Variants in GRAMD1B observed in about 807,000 individuals in gnomAD.
The protein encoded by GRAMD1B is protein Aster-B.
A neutral mutation model predicts 99.7 loss-of-function variants in GRAMD1B; 37 were observed. That is an observed-to-expected ratio of 0.37 (90% CI 0.29 to 0.49). The LOEUF is 0.49. Among genes scored for constraint, GRAMD1B ranks in the 20% least tolerant of loss-of-function variants. The probability of loss-of-function intolerance (pLI) is 0.98; values close to 1 mark genes in which losing one functional copy is unlikely to be tolerated. For synonymous variants in GRAMD1B, 427 were observed against 387.6 expected (o/e 1.10, Z -1.19); for missense variants, 888 against 1,009.2 (o/e 0.88, Z 1.63).
rs749686386 is a variant in GRAMD1B, at chr11:123,619,179, A to C, written c.2499A>C (p.Gln833His). ...AAAAGTACCACGATACTGAGCTCCA[A>C]AAATGGAGGGAAATCATCAAATCCT... is the stretch of plus-strand genomic sequence containing the variant. ...SQQKYHDTEL[Q>H]KWREIIKSSV... The change falls in exon 19 of 20, where the codon CAA becomes CAC. Residue 833 changes from glutamine to histidine, a missense_variant. Physicochemically the swap from Gln to His is conservative, Grantham distance 24. This residue lies in a region of GRAMD1B where 232 missense variants were observed against 261.7 expected (regional missense o/e 0.89). Coordinates refer to ENST00000635736, the MANE Select transcript of GRAMD1B (RefSeq NM_001387025.1). The C allele has an allele frequency of 1.3e-6, 2 of 1,568,688 alleles. No individual in the cohort carries two copies. The highest frequency in any genetic ancestry group is 2.4e-5 in the East Asian group (1 of 42,266).
intron 2 of GRAMD1B, among the ~76,000 whole-genome samples, chr11:123,494,676 T>C (rs550830979): frequency 2.1e-4 from 32 of 152,310 alleles, no homozygotes; most frequent in Non-Finnish European, 3.4e-4. Flanking sequence ...AGCAAACTCC[T>C]CTTATCTTTG....
intron 2 of GRAMD1B, among the ~76,000 whole-genome samples, chr11:123,532,017 G>C (rs1165029765): frequency 1.3e-5 from 2 of 152,106 alleles, no homozygotes; most frequent in Admixed American, 6.5e-5. Flanking sequence ...GATTACAGGC[G>C]TGAGCCACCA....
chr11:123,525,668 G>T, intron 2 of GRAMD1B: 1 of 179,278 alleles, frequency 5.6e-6, no homozygotes, highest in Non-Finnish European at 1.2e-5. Context: ...CTGCCGCCTG[G>T]GGGAAGAGAG....
chr11:123,400,031 T>C (rs1166163989), intron 1 of GRAMD1B, among the ~76,000 whole-genome samples: 1 of 152,212 alleles, frequency 6.6e-6, no homozygotes, highest in Non-Finnish European at 1.5e-5. Flanking sequence ...CTAATGTCTT[T>C]GGTTCATTTT....
At chr11:123,527,772 G>T (rs1306538719) in intron 2 of GRAMD1B, among the ~76,000 whole-genome samples, 1 of 152,154 alleles carries the variant, frequency 6.6e-6, no homozygotes, top group Non-Finnish European at 1.5e-5. Context: ...CGCCCCTGCT[G>T]TCAGCACACC....
At chr11:123,477,485 C>T (rs1187004205) in intron 1 of GRAMD1B, among the ~76,000 whole-genome samples, 1 of 151,764 alleles carries the variant, frequency 6.6e-6, no homozygotes, top group Non-Finnish European at 1.5e-5. Context: ...AGTGTTAAGG[C>T]ATCTTTCAGT....
intron 2 of GRAMD1B, among the ~76,000 whole-genome samples, chr11:123,527,340 G>C (rs1345946461): frequency 6.6e-6 from 1 of 152,170 alleles, no homozygotes; most frequent in Non-Finnish European, 1.5e-5. Context: ...AGAATGTCTA[G>C]TCCAGCCCTC....
intron 1 of GRAMD1B, among the ~76,000 whole-genome samples, chr11:123,397,291 C>G (rs189177781): frequency 6.6e-6 from 1 of 152,034 alleles, no homozygotes; most frequent in Non-Finnish European, 1.5e-5. Context: ...ACCTGTAATC[C>G]CAGCTACTCG....
chr11:123,621,443 GC>G (rs903295784), intron 19 of GRAMD1B, among the ~76,000 whole-genome samples: 9 of 152,180 alleles, frequency 5.9e-5, no homozygotes, highest in Non-Finnish European at 7.3e-5. Flanking sequence ...TCTGCATGGT[GC>G]CCCTGGGTGC....
At chr11:123,403,496 G>T (rs184873273) in intron 1 of GRAMD1B, among the ~76,000 whole-genome samples, 1 of 147,252 alleles carries the variant, frequency 6.8e-6, no homozygotes, top group African/African-American at 2.5e-5. Context: ...TAATAATTTC[G>T]TCTCTTGTTG....
intron 8 of GRAMD1B, among the ~76,000 whole-genome samples, 153 bp from the exon 9 acceptor site, chr11:123,603,273 C>T (rs1952217530): frequency 1.3e-5 from 2 of 152,212 alleles, no homozygotes; most frequent in African/African-American, 2.4e-5. Context: ...CTGAGACCCC[C>T]AAGGCAGATG....
chr11:123,583,044 A>G (rs1949569333), intron 3 of GRAMD1B, among the ~76,000 whole-genome samples: 1 of 149,588 alleles, frequency 6.7e-6, no homozygotes, highest in African/African-American at 2.5e-5. Flanking sequence ...GTATGTGTGT[A>G]TATATGTGTG....
Position 123,510,857 on chromosome 11 carries a change from C to T in GRAMD1B, c.452+29964C>T, listed in dbSNP as rs532254592. Among the ~76,000 whole-genome samples the T allele has an allele frequency of 5.9e-5, 9 of 152,222 alleles. No homozygotes were observed. The East Asian group carries it at 1.8e-3, about 30-fold the overall frequency. ...AGGGAAATGTTGTGAGCACCAAGACCTCAGGAGAGGCGAGGAGGTGCCAGG... is the reference window on the plus strand; with the variant it reads ...AGGGAAATGTTGTGAGCACCAAGACTTCAGGAGAGGCGAGGAGGTGCCAGG... On this transcript the variant is annotated intron_variant, in intron 2 of 19. Coordinates refer to ENST00000635736, the MANE Select transcript of GRAMD1B (RefSeq NM_001387025.1). The surrounding 1 kb of genome is among the most constrained non-coding windows in gnomAD (Gnocchi z 4.3).
At chr11:123,421,460 C>T (rs138369569) in intron 1 of GRAMD1B, among the ~76,000 whole-genome samples, 72 of 152,268 alleles carry the variant, frequency 4.7e-4, no homozygotes, top group African/African-American at 1.5e-3. Context: ...ATGTTTGATT[C>T]ACATAAAACA....
chr11:123,568,988 G>A (rs1459804844), intron 2 of GRAMD1B, among the ~76,000 whole-genome samples: 1 of 152,158 alleles, frequency 6.6e-6, no homozygotes, highest in Non-Finnish European at 1.5e-5. Flanking sequence ...GTCCCATCCA[G>A]CATCCTGAAA....
intron 1 of GRAMD1B, among the ~76,000 whole-genome samples, chr11:123,397,565 A>T (rs1468145209): frequency 6.6e-6 from 1 of 152,176 alleles, no homozygotes; most frequent in Non-Finnish European, 1.5e-5. Flanking sequence ...GTGCAGAGGT[A>T]CAATCATGGC....
chr11:123,439,449 A>G (rs1250490296), intron 1 of GRAMD1B, among the ~76,000 whole-genome samples: 1 of 152,212 alleles, frequency 6.6e-6, no homozygotes, highest in African/African-American at 2.4e-5. Context: ...ATATTGTCAT[A>G]TAGCTCGAAA....
chr11:123,443,738 A>T (rs1382222171), intron 1 of GRAMD1B, among the ~76,000 whole-genome samples: 1 of 152,038 alleles, frequency 6.6e-6, no homozygotes, highest in Non-Finnish European at 1.5e-5. Context: ...GTGCGCCACC[A>T]CACCCAGCTA....
chr11:123,596,122 T>A, intron 7 of GRAMD1B, 85 bp downstream of exon 7: 1 of 747,920 alleles, frequency 1.3e-6, no homozygotes, highest in Non-Finnish European at 2.3e-6. Context: ...ATCGCATGAA[T>A]GTGGAAGCCA....
Sources: gnomAD v4.1 joint callset for allele counts (sites outside exome capture counted in the v4.1 genomes callset) on GRCh38, gnomAD v4.1.1 for gene constraint, gnomAD v4.1.1 regional missense constraint, Gnocchi (gnomAD v3.1) non-coding constraint, MANE v1.5 for transcripts, NCBI Gene and HGNC (gene_info 2026-07-23, HGNC 2026-07-21) for gene names.